Variants in ATP2B2 observed in about 807,000 individuals in gnomAD.
The protein encoded by ATP2B2 is ATPase plasma membrane Ca2+ transporting 2.
A neutral mutation model predicts 120.0 loss-of-function variants in ATP2B2; 15 were observed. The observed-to-expected ratio is 0.12, with a 90% CI of 0.08 to 0.19. The LOEUF (loss-of-function observed/expected upper bound fraction) is 0.19. Among genes scored for constraint, ATP2B2 ranks in the 10% least tolerant of loss-of-function variants. ATP2B2 has a pLI of 1.00. For synonymous variants in ATP2B2, 694 were observed against 700.3 expected, an observed-to-expected ratio of 0.99 and a Z score of 0.14; for missense variants, 1,045 against 1,719.8, an observed-to-expected ratio of 0.61 and a Z score of 6.94.
chr3:10,547,518 C>T (rs1429707152), intron 2 of ATP2B2, among the ~76,000 whole-genome samples: 1 of 152,194 alleles, frequency 6.6e-6, no homozygotes, highest in South Asian at 2.1e-4. Context: ...ATGGTCGTAT[C>T]TCCCGCTCCA....
intron 2 of ATP2B2, among the ~76,000 whole-genome samples, chr3:10,422,948 CTTCCCACATGGGCAGGGAAG>C (rs1466829069): frequency 6.6e-6 from 1 of 152,206 alleles, no homozygotes; most frequent in East Asian, 1.9e-4. Flanking sequence ...GGGCTCCAGA[CTTCCCACATGGGCAGGGAAG>C]TGGGTGTGGG....
At chr3:10,412,595 C>G (rs2062648892) in intron 2 of ATP2B2, among the ~76,000 whole-genome samples, 1 of 152,190 alleles carries the variant, frequency 6.6e-6, no homozygotes, top group African/African-American at 2.4e-5. Flanking sequence ...CTCCCCTCCA[C>G]CCCAGGAGGA....
rs1461345785 is a variant in ATP2B2, at chr3:10,525,688, G to C, written c.-320+8351C>G. Among the ~76,000 whole-genome samples the C allele has an allele frequency of 3.3e-5, 5 of 152,074 alleles. No homozygotes were observed. In the East Asian group the frequency reaches 7.7e-4, roughly 24 times the overall value. On this transcript the variant is annotated intron_variant, in intron 3 of 21. Coordinates refer to the ATP2B2 transcript ENST00000646379. ...AATATTATTTGGAAAAAATAAATTC[G>C]AATACCTCAGAAGGGGTATTTTGGG...
At chr3:10,655,120 C>T (rs1381631703) in intron 1 of ATP2B2, among the ~76,000 whole-genome samples, 10 of 152,292 alleles carry the variant, frequency 6.6e-5, no homozygotes, top group South Asian at 2.1e-4. Flanking sequence ...AACCAGCTTG[C>T]GCAGAGGTCA....
intron 1 of ATP2B2, among the ~76,000 whole-genome samples, chr3:10,497,633 A>G (rs947995055): frequency 6.6e-6 from 1 of 152,246 alleles, no homozygotes; most frequent in Non-Finnish European, 1.5e-5. Context: ...TAAGGCACAG[A>G]GAAATTAAGA....
intron 3 of ATP2B2, among the ~76,000 whole-genome samples, chr3:10,403,753 C>T (rs962371740): frequency 6.6e-6 from 1 of 152,228 alleles, no homozygotes; most frequent in African/African-American, 2.4e-5. Flanking sequence ...CCACTTTAAC[C>T]CTCAAGCTGG....
chr3:10,377,771 A>G (rs993972433), intron 10 of ATP2B2, among the ~76,000 whole-genome samples: 1 of 152,176 alleles, frequency 6.6e-6, no homozygotes, highest in African/African-American at 2.4e-5. Context: ...AGTCTCTTCC[A>G]TGGCTCCCAC....
At chr3:10,425,272 T>G (rs1213992859) in intron 2 of ATP2B2, among the ~76,000 whole-genome samples, 1 of 152,060 alleles carries the variant, frequency 6.6e-6, no homozygotes, top group Non-Finnish European at 1.5e-5. Context: ...ATCGTGCCAC[T>G]GTACTCCAGC....
At chr3:10,437,411 G>A (rs1269528045) in intron 2 of ATP2B2, among the ~76,000 whole-genome samples, 1 of 152,202 alleles carries the variant, frequency 6.6e-6, no homozygotes, top group Non-Finnish European at 1.5e-5. Context: ...AACAGATTCT[G>A]AGAGGTGATG....
chr3:10,401,016 A>G lies in ATP2B2; in HGVS notation c.718T>C (p.Ser240Pro), dbSNP rs1356717742. The part of the protein sequence containing the change: ...QGNDLKIDES[S>P]LTGESDQVRK... Reference sequence around the variant, plus strand: ...ACCTGGTCAGACTCTCCAGTTAGGGAGCTTTCATCAATCTTGAGGTCATTG... The same window carrying G: ...ACCTGGTCAGACTCTCCAGTTAGGGGGCTTTCATCAATCTTGAGGTCATTG... Residue 240 changes from serine (S) to proline (P), a missense_variant, in exon 5 of 23, where the codon TCC becomes CCC. Ser to Pro is a moderately conservative substitution (Grantham distance 74, BLOSUM62 -1). Around this residue, in one of 11 missense-constraint regions of ATP2B2, gnomAD observed 145 missense variants for 202.0 expected, o/e 0.72. Coordinates refer to ENST00000360273, the MANE Select transcript of ATP2B2 (RefSeq NM_001001331.4). 1.2e-6 allele frequency: 2 copies of G among 1,613,976 alleles called. No individual in the cohort carries two copies. Among genetic ancestry groups the G allele is most frequent in the Non-Finnish European group, 1.7e-6 (2 of 1,180,020 alleles).
At chr3:10,490,148 G>C (rs1385724482) in intron 1 of ATP2B2, among the ~76,000 whole-genome samples, 2 of 152,204 alleles carry the variant, frequency 1.3e-5, no homozygotes, top group African/African-American at 2.4e-5. Context: ...CATCCCCCTG[G>C]CTTCCTCCAG....
intron 12 of ATP2B2, among the ~76,000 whole-genome samples, chr3:10,371,274 T>C (rs1045694471): frequency 2.6e-5 from 4 of 152,230 alleles, no homozygotes; most frequent in African/African-American, 7.2e-5. Context: ...GCTAGCCTGC[T>C]GGAGGAGGTG....
chr3:10,428,750 G>T (rs1212790782), intron 2 of ATP2B2, among the ~76,000 whole-genome samples: 1 of 152,228 alleles, frequency 6.6e-6, no homozygotes, highest in Non-Finnish European at 1.5e-5. Context: ...AGGAGACTGT[G>T]CTGGGGTTCC....
chr3:10,349,896 G>GGAGGCCCACAGAGAA (rs1172833774), intron 16 of ATP2B2, among the ~76,000 whole-genome samples: 1 of 152,174 alleles, frequency 6.6e-6, no homozygotes, highest in Non-Finnish European at 1.5e-5. Flanking sequence ...TAGGGGAGTT[G>GGAGGCCCACAGAGAA]GAGGCCCACA....
intron 1 of ATP2B2, among the ~76,000 whole-genome samples, chr3:10,669,360 G>T (rs116081694): frequency 0.027 from 4,041 of 152,074 alleles, 77 homozygotes; most frequent in South Asian, 0.089. Context: ...CCTCTTCCTG[G>T]CCCCAGATCT....
chr3:10,496,383 G>A (rs2066148748), intron 1 of ATP2B2, among the ~76,000 whole-genome samples: 1 of 152,140 alleles, frequency 6.6e-6, no homozygotes, highest in African/African-American at 2.4e-5. Context: ...TCCTGCCCGG[G>A]CAATTGCACA....
At chr3:10,564,049 C>A (rs17509502) in intron 2 of ATP2B2, among the ~76,000 whole-genome samples, 1 of 152,114 alleles carries the variant, frequency 6.6e-6, no homozygotes, top group Non-Finnish European at 1.5e-5. Flanking sequence ...AGGAACTTAC[C>A]CCAAGCCCTG....
At chr3:10,470,999 C>T (rs914624604) in intron 1 of ATP2B2, among the ~76,000 whole-genome samples, 2 of 152,194 alleles carry the variant, frequency 1.3e-5, no homozygotes, top group Non-Finnish European at 2.9e-5. Context: ...GAACGGGGGG[C>T]CTGGGGGGCC....
In ATP2B2 at chr3:10,346,218, C is replaced by T; in HGVS notation, c.2405-81G>A. On this transcript the variant is annotated intron_variant, in intron 16 of 22. Transcript: ENST00000360273. The surrounding 1 kb of genome is among the most constrained non-coding windows in gnomAD (Gnocchi z 4.1). The stretch of plus-strand genomic sequence containing the variant: ...GGCCAGCCCTGGTCCTCGGGAGGGG[C>T]CTGGCTGGGCATGGCTTCCTCTCTG... 1 of 1,392,796 alleles carries T rather than the reference C, an allele frequency of 7.2e-7. No homozygotes were observed. The highest frequency in any genetic ancestry group is 1.8e-5 in the Admixed American group (1 of 56,604). 86.3% of individuals were successfully genotyped at this position (1,392,796 alleles called of 1,614,324 possible).
Sources: gnomAD v4.1 joint callset for allele counts (sites outside exome capture counted in the v4.1 genomes callset) on GRCh38, gnomAD v4.1.1 for gene constraint, gnomAD v4.1.1 regional missense constraint, Gnocchi (gnomAD v3.1) non-coding constraint, MANE v1.5 for transcripts, NCBI Gene and HGNC (gene_info 2026-07-23, HGNC 2026-07-21) for gene names.